GPR158: variants seen among roughly 807,000 people sequenced by gnomAD.
GPR158 encodes G protein-coupled receptor 158.
A neutral mutation model predicts 78.2 loss-of-function variants in GPR158; 30 were observed. The ratio of observed to expected loss-of-function variants is 0.38; its 90% CI spans 0.29 to 0.52. GPR158 has a LOEUF of 0.52. Among genes scored for constraint, GPR158 ranks in the 20% least tolerant of loss-of-function variants. GPR158 has a pLI of 0.83. For missense variants in GPR158, 1,463 were observed against 1,523.5 expected (o/e 0.96, Z 0.66); for synonymous variants, 581 against 591.1 (o/e 0.98, Z 0.25).
intron 5 of GPR158, among the ~76,000 whole-genome samples, chr10:25,467,490 G>A (rs910040298): frequency 1.3e-5 from 2 of 152,174 alleles, no homozygotes; most frequent in Non-Finnish European, 2.9e-5. Context: ...ACAGAAACAT[G>A]TTCTAGGGTA....
intron 1 of GPR158, among the ~76,000 whole-genome samples, chr10:25,182,037 G>A (rs75315511): frequency 0.024 from 3,581 of 152,196 alleles, 144 homozygotes; most frequent in African/African-American, 0.079. Flanking sequence ...GCTTTAACTT[G>A]TAAAGTTTTA....
Position 25,598,152 on chromosome 10 carries a change from G to A in GPR158, c.2526G>A (p.Glu842=). The change falls in exon 11 of 11, where the codon GAG becomes GAA. Residue 842 remains glutamate (E), a synonymous_variant. Transcript: ENST00000376351. ...SSLPTESQEE[E]TTENSTLESL... is the part of the protein sequence containing the mutation. ...TACCCACAGAAAGCCAAGAGGAGGA[G>A]ACAACAGAAAATTCCACACTGGAAT... 6.2e-7 allele frequency: 1 copy of A among 1,614,144 alleles called. No individual in the cohort carries two copies. Among genetic ancestry groups the A allele is most frequent in the South Asian group, 1.1e-5 (1 of 91,092 alleles).
intron 1 of GPR158, among the ~76,000 whole-genome samples, chr10:25,183,146 T>C (rs1852634744): frequency 6.6e-6 from 1 of 152,190 alleles, no homozygotes; most frequent in Admixed American, 6.5e-5. Flanking sequence ...CCACTTTGGC[T>C]GTGCAATTAC....
intron 5 of GPR158, among the ~76,000 whole-genome samples, chr10:25,491,284 C>A (rs566553778): frequency 6.6e-6 from 1 of 152,244 alleles, no homozygotes; most frequent in Non-Finnish European, 1.5e-5. Flanking sequence ...CTAGGTCTGG[C>A]AATGAAATAT....
chr10:25,387,516 A>ATTTTTTTTTT (rs57404980), intron 2 of GPR158, among the ~76,000 whole-genome samples: 26 of 140,492 alleles, frequency 1.9e-4, no homozygotes, highest in African/African-American at 6.9e-4. Context: ...TTCTCTTCAA[A>ATTTTTTTTTT]TTTTTTTTTT....
At chr10:25,436,739 A>G (rs938198679) in intron 4 of GPR158, among the ~76,000 whole-genome samples, 1 of 152,216 alleles carries the variant, frequency 6.6e-6, no homozygotes, top group Non-Finnish European at 1.5e-5. Context: ...GAGGAAGTAG[A>G]GAAAGCACTT....
At chr10:25,472,612 A>G (rs1835523537) in intron 5 of GPR158, among the ~76,000 whole-genome samples, 2 of 152,168 alleles carry the variant, frequency 1.3e-5, no homozygotes, top group African/African-American at 4.8e-5. Flanking sequence ...ATGTTCTTCC[A>G]TTTGTTTGTG....
chr10:25,511,484 T>C (rs544360789), intron 5 of GPR158, among the ~76,000 whole-genome samples: 1 of 152,298 alleles, frequency 6.6e-6, no homozygotes, highest in South Asian at 2.1e-4. Flanking sequence ...TCTTCCACTC[T>C]CTGGGTTGTC....
rs1837491523 is a variant in GPR158, at chr10:25,601,129, A to AT, written c.*1859dup. Reference sequence around the variant, plus strand: ...GGATATAGGGCTGTTCTTAGAGAGTATTTTCAGTGGAAGGTAAAAACAGAA... The same window carrying AT: ...GGATATAGGGCTGTTCTTAGAGAGTATTTTTCAGTGGAAGGTAAAAACAGAA... On this transcript the variant is annotated 3_prime_UTR_variant, in exon 11 of 11. Transcript: ENST00000376351. 1 of 152,554 alleles carries AT rather than the reference A, an allele frequency of 6.6e-6. No homozygotes were observed. Among genetic ancestry groups the AT allele is most frequent in the Non-Finnish European group, 1.5e-5 (1 of 68,026 alleles). 9.5% of individuals were successfully genotyped at this position (152,554 alleles called of 1,614,324 possible). A position where few individuals can be genotyped will look rare whatever the true frequency, so the allele number is the denominator to read the frequency against.
chr10:25,304,698 C>T (rs969593237), intron 2 of GPR158, among the ~76,000 whole-genome samples: 4 of 152,036 alleles, frequency 2.6e-5, no homozygotes, highest in East Asian at 1.9e-4. Flanking sequence ...ATATGAGGAT[C>T]GACGAACTTA....
At chr10:25,541,987 T>C (rs1836594205) in intron 5 of GPR158, among the ~76,000 whole-genome samples, 1 of 147,844 alleles carries the variant, frequency 6.8e-6, no homozygotes, top group Admixed American at 6.8e-5. Context: ...ATAAATTATA[T>C]ATTATAAATT....
In GPR158 at chr10:25,349,101, C is replaced by G. The variant is rs181390579; in HGVS notation, c.1009-46810C>G. Among the ~76,000 whole-genome samples, 21 of 152,132 alleles carry G rather than the reference C, an allele frequency of 1.4e-4. No homozygotes were observed. The East Asian group carries it at 2.9e-3, about 21-fold the overall frequency. On this transcript the variant is annotated intron_variant, in intron 2 of 10. Transcript: ENST00000376351. ...GAATTCTGAAATGAGTCTCACTGAA[C>G]TAAAGTCAGGTCGTCAGCAGGGCTG...
intron 2 of GPR158, among the ~76,000 whole-genome samples, chr10:25,391,244 C>T (rs1834293772): frequency 6.6e-6 from 1 of 152,162 alleles, no homozygotes; most frequent in Non-Finnish European, 1.5e-5. Flanking sequence ...AACACAGCGT[C>T]CCCACTGGGG....
intron 2 of GPR158, among the ~76,000 whole-genome samples, chr10:25,253,396 G>C (rs1853842858): frequency 6.6e-6 from 1 of 152,106 alleles, no homozygotes. Flanking sequence ...TTACTTGTTG[G>C]AGCTAATACT....
intron 4 of GPR158, among the ~76,000 whole-genome samples, chr10:25,433,673 CCTTT>C (rs1205836068): frequency 0.016 from 1,977 of 124,898 alleles, 99 homozygotes; most frequent in African/African-American, 0.049. Context: ...AGGGCATTTT[CCTTT>C]CTTTCTTTCT....
chr10:25,600,873 A>T lies in GPR158; in HGVS notation c.*1599A>T, dbSNP rs1837487174. On this transcript the variant is annotated 3_prime_UTR_variant, in exon 11 of 11. Coordinates refer to ENST00000376351, the MANE Select transcript of GPR158 (RefSeq NM_020752.3). ...CATGGGAATCCTAAGCTGCCGACTA[A>T]GCCCTACCGACATGATCATGCAGTG... 1 of 152,190 alleles carries T rather than the reference A, an allele frequency of 6.6e-6. No homozygotes were observed. The highest frequency in any genetic ancestry group is 6.5e-5 in the Admixed American group (1 of 15,272). 9.4% of individuals were successfully genotyped at this position (152,190 alleles called of 1,614,324 possible).
intron 2 of GPR158, among the ~76,000 whole-genome samples, chr10:25,267,416 G>A (rs2130739274): frequency 6.6e-6 from 1 of 152,242 alleles, no homozygotes; most frequent in South Asian, 2.1e-4. Flanking sequence ...ACAAGAAAAG[G>A]ATGGGGGAAA....
intron 2 of GPR158, among the ~76,000 whole-genome samples, chr10:25,286,539 A>C (rs1328508347): frequency 6.6e-6 from 1 of 151,952 alleles, no homozygotes; most frequent in African/African-American, 2.4e-5. Flanking sequence ...TCTCTCTAAT[A>C]GTTATTATGT....
At chr10:25,376,701 G>C (rs1773630) in intron 2 of GPR158, among the ~76,000 whole-genome samples, 3 of 151,292 alleles carry the variant, frequency 2.0e-5, no homozygotes, top group Non-Finnish European at 4.4e-5. Flanking sequence ...AGTTATTTCA[G>C]ATTCTAGATT....
Sources: gnomAD v4.1 joint callset for allele counts (sites outside exome capture counted in the v4.1 genomes callset) on GRCh38, gnomAD v4.1.1 for gene constraint, MANE v1.5 for transcripts, NCBI Gene and HGNC (gene_info 2026-07-23, HGNC 2026-07-21) for gene names.